The following MTMR3 variants were observed in gnomAD, a reference collection of about 807,000 sequenced individuals.
MTMR3 encodes the protein myotubularin related protein 3, also known as phosphatidylinositol-3,5-bisphosphate 3-phosphatase MTMR3.
In MTMR3, 32 loss-of-function variants were observed where a neutral mutation model predicts 132.4. That is an observed-to-expected ratio of 0.24 (90% confidence interval 0.18 to 0.32). The LOEUF (loss-of-function observed/expected upper bound fraction) is 0.32. Among genes scored for constraint, MTMR3 ranks in the 10% least tolerant of loss-of-function variants. MTMR3 has a pLI of 1.00. For missense variants in MTMR3, 1,216 were observed against 1,489.6 expected (o/e 0.82, Z 3.02); for synonymous variants, 556 against 550.3 (o/e 1.01, Z -0.14).
intron 2 of MTMR3, among the ~76,000 whole-genome samples, chr22:29,965,031 G>GCC (rs978128822): frequency 6.6e-6 from 1 of 152,010 alleles, no homozygotes; most frequent in African/African-American, 2.4e-5. Flanking sequence ...AACTGGCCTT[G>GCC]CCCCACCAAG....
intron 3 of MTMR3, among the ~76,000 whole-genome samples, chr22:29,975,458 A>C (rs1056032703): frequency 6.6e-6 from 1 of 152,214 alleles, no homozygotes; most frequent in Non-Finnish European, 1.5e-5. Context: ...AGTCCGTTAC[A>C]ATGTTTTCTT....
At chr22:29,914,464 A>G (rs935217427) in intron 1 of MTMR3, among the ~76,000 whole-genome samples, 2 of 152,204 alleles carry the variant, frequency 1.3e-5, no homozygotes, top group Non-Finnish European at 2.9e-5. Flanking sequence ...TTGTGAGTTC[A>G]TAATGTATTC....
At chr22:29,996,476 G>C (rs2067061935) in intron 7 of MTMR3, 3 of 151,956 alleles carry the variant, frequency 2.0e-5, no homozygotes, top group Admixed American at 2.0e-4. Context: ...ATCCTTTAAG[G>C]GTATCTATGT....
At chr22:30,002,649 A>G (rs1258459113) in intron 8 of MTMR3, 1 of 444,116 alleles carries the variant, frequency 2.3e-6, no homozygotes, top group Non-Finnish European at 4.1e-6. Flanking sequence ...CATTTGTTGT[A>G]TACACATAAG....
chr22:29,920,225 C>A (rs1374825547), intron 1 of MTMR3, among the ~76,000 whole-genome samples: 15 of 142,292 alleles, frequency 1.1e-4, no homozygotes, highest in East Asian at 2.1e-4. Flanking sequence ...AAAAAAAAAA[C>A]AAAAAACCCA....
intron 1 of MTMR3, among the ~76,000 whole-genome samples, chr22:29,902,599 C>T (rs2059016167): frequency 6.6e-6 from 1 of 151,930 alleles, no homozygotes; most frequent in Non-Finnish European, 1.5e-5. Flanking sequence ...GAACTCCTGA[C>T]CTTGTGATCC....
Position 29,962,047 on chromosome 22 carries a change from A to C in MTMR3, c.-85+4959A>C, listed in dbSNP as rs369506489. Among the ~76,000 whole-genome samples, 393 of 152,348 alleles carry C rather than the reference A, an allele frequency of 2.6e-3. 1 individual carries two copies. The highest frequency in any genetic ancestry group is 9.0e-3 in the African/African-American group (376 of 41,576). ...CCTCTGTGATGTTTGCACAACAGCT[A>C]AATCTGCTAATGATGCATTTCTCAA... On this transcript the variant is annotated intron_variant, in intron 2 of 19. Transcript: ENST00000401950.
At chr22:29,905,591 T>C (rs2145734506) in intron 1 of MTMR3, among the ~76,000 whole-genome samples, 1 of 152,336 alleles carries the variant, frequency 6.6e-6, no homozygotes, top group African/African-American at 2.4e-5. Flanking sequence ...TCCTTTCCTT[T>C]GGATAAGGTA....
chr22:29,993,662 G>A (rs1457227328), intron 7 of MTMR3: 21 of 152,072 alleles, frequency 1.4e-4, no homozygotes. Flanking sequence ...AGCTTTTTTA[G>A]TCCCTTGATA....
Position 29,991,674 on chromosome 22 carries a change from C to T in MTMR3, c.460+4C>T, listed in dbSNP as rs751337745. The T allele has an allele frequency of 1.1e-5, 18 of 1,585,966 alleles. No homozygotes were observed. The highest frequency in any genetic ancestry group is 4.1e-5 in the African/African-American group (3 of 73,712). ...CATGGAGACCTGTGCAGACCAGGTA[C>T]GCCTTTCTGAAATGTGCAAATGGCC... On this transcript the variant is annotated splice_donor_region_variant and intron_variant, in intron 7 of 19. Coordinates refer to ENST00000401950, the MANE Select transcript of MTMR3 (RefSeq NM_021090.4).
chr22:29,955,659 ATTATGT>A (rs1399967528), intron 1 of MTMR3, among the ~76,000 whole-genome samples: 16 of 152,246 alleles, frequency 1.1e-4, no homozygotes, highest in Non-Finnish European at 2.4e-4. Flanking sequence ...AGACAAAAAT[ATTATGT>A]TTAAAATGGT....
rs1420638169 is a variant in MTMR3 at position 29,883,206 on chromosome 22, G to A, written c.-291G>A. On this transcript the variant is annotated 5_prime_UTR_variant, in exon 1 of 20. The change creates a premature stop within an existing upstream ORF in the 5' untranslated region. Transcript: ENST00000401950. ...GTGGCCGCTGCCGCCATGTTGTTGTGGTTGTGAGAAGGCGGCGGCGGCGGC... is the reference window on the plus strand; with the variant it reads ...GTGGCCGCTGCCGCCATGTTGTTGTAGTTGTGAGAAGGCGGCGGCGGCGGC... 2.0e-5 allele frequency: 3 copies of A among 152,712 alleles called. No individual in the cohort carries two copies. The highest frequency in any genetic ancestry group is 4.4e-5 in the Non-Finnish European group (3 of 68,356). 9.5% of individuals were successfully genotyped at this position (152,712 alleles called of 1,614,324 possible).
rs543736427 is a variant in MTMR3 at position 30,027,728 on chromosome 22, T to C, written c.*1927T>C. ...CCGTAACTCTCCATAGCTGTACATATAACCCTTTTCTCCTAAAGAGGAGTC... is the reference window on the plus strand; with the variant it reads ...CCGTAACTCTCCATAGCTGTACATACAACCCTTTTCTCCTAAAGAGGAGTC... On this transcript the variant is annotated 3_prime_UTR_variant, in exon 20 of 20. Coordinates refer to ENST00000401950, the MANE Select transcript of MTMR3 (RefSeq NM_021090.4). The C allele has an allele frequency of 6.5e-6, 1 of 152,800 alleles. No homozygotes were observed. 9.5% of individuals were successfully genotyped at this position (152,800 alleles called of 1,614,324 possible).
chr22:29,929,635 G>A (rs1365483731), intron 1 of MTMR3, among the ~76,000 whole-genome samples: 3 of 151,512 alleles, frequency 2.0e-5, no homozygotes, highest in African/African-American at 4.8e-5. Flanking sequence ...TCAGCCTCCC[G>A]AGTAGCTGGG....
At chr22:29,931,349 T>C (rs1342052321) in intron 1 of MTMR3, among the ~76,000 whole-genome samples, 4 of 152,242 alleles carry the variant, frequency 2.6e-5, no homozygotes, top group Non-Finnish European at 5.9e-5. Flanking sequence ...CATACATATA[T>C]TGCTTTGAAC....
chr22:29,906,831 A>G lies in MTMR3; in HGVS notation c.-138+23472A>G, dbSNP rs930310569. Among the ~76,000 whole-genome samples the G allele has an allele frequency of 2.6e-5, 4 of 152,044 alleles. No homozygotes were observed. The South Asian group carries it at 6.2e-4, about 24-fold the overall frequency. On this transcript the variant is annotated intron_variant, in intron 1 of 19. Coordinates refer to ENST00000401950, the MANE Select transcript of MTMR3 (RefSeq NM_021090.4). ...TGGTGGCTCATGCCTGTATCCCAGC[A>G]CTTTGGGAGACAGAGGCAGATGGAT...
intron 1 of MTMR3, among the ~76,000 whole-genome samples, chr22:29,885,363 C>A (rs1282868662): frequency 6.6e-6 from 1 of 152,100 alleles, no homozygotes; most frequent in Non-Finnish European, 1.5e-5. Flanking sequence ...GAAGGGGAAG[C>A]ATGAGAAACT....
intron 1 of MTMR3, among the ~76,000 whole-genome samples, chr22:29,938,858 G>A (rs1219718821): frequency 6.6e-6 from 1 of 151,784 alleles, no homozygotes; most frequent in African/African-American, 2.4e-5. Context: ...GTCTCACTCT[G>A]ATGCCCAGGC....
rs1215319485 is a variant in MTMR3, at chr22:29,971,043, A to G, written c.-17A>G. 6.3e-7 allele frequency: 1 copy of G among 1,590,076 alleles called. No homozygotes were observed. The highest frequency in any genetic ancestry group is 8.5e-7 in the Non-Finnish European group (1 of 1,171,576). On this transcript the variant is annotated 5_prime_UTR_variant, in exon 3 of 20. Coordinates refer to ENST00000401950, the MANE Select transcript of MTMR3 (RefSeq NM_021090.4). ...AGAAGGGACGGGGATTTCTCCTCCT[A>G]ATCTGGGCCTCTTGTCATGGTAAGT...
Sources: allele counts gnomAD v4.1 joint callset (sites outside exome capture counted in the v4.1 genomes callset), GRCh38; gene constraint gnomAD v4.1.1; transcripts MANE v1.5; gene names NCBI Gene and HGNC (gene_info 2026-07-23, HGNC 2026-07-21).